CARMIL1: variants seen among roughly 807,000 people sequenced by gnomAD.
CARMIL1 encodes F-actin-uncapping protein LRRC16A.
In CARMIL1, 90 loss-of-function variants were observed where a neutral mutation model predicts 177.1. The observed-to-expected ratio is 0.51, with a 90% CI of 0.43 to 0.61. The LOEUF is 0.61. CARMIL1 is among the 20% of genes least tolerant of loss of function. The pLI is 0.00. For synonymous variants in CARMIL1, 577 were observed against 606.2 expected (o/e 0.95, Z 0.71); for missense variants, 1,380 against 1,667.0 (o/e 0.83, Z 3.00).
chr6:25,448,571 A>G (rs1315696402), intron 5 of CARMIL1, among the ~76,000 whole-genome samples: 1 of 152,042 alleles, frequency 6.6e-6, no homozygotes, highest in Non-Finnish European at 1.5e-5. Context: ...CCAACTCCCT[A>G]CGTCCCACCT....
At chr6:25,306,541 CT>C (rs1251601294) in intron 2 of CARMIL1, among the ~76,000 whole-genome samples, 10 of 152,142 alleles carry the variant, frequency 6.6e-5, no homozygotes, top group Non-Finnish European at 1.5e-4. Context: ...GAAACCAGTC[CT>C]TGGTGCCAAC....
intron 2 of CARMIL1, among the ~76,000 whole-genome samples, chr6:25,346,084 C>G (rs1366100360): frequency 6.6e-6 from 1 of 152,206 alleles, no homozygotes; most frequent in Non-Finnish European, 1.5e-5. Flanking sequence ...TCTAACTGGT[C>G]TTTCAGCTTC....
chr6:25,370,329 G>A (rs1192293473), intron 2 of CARMIL1, among the ~76,000 whole-genome samples: 1 of 152,110 alleles, frequency 6.6e-6, no homozygotes, highest in African/African-American at 2.4e-5. Context: ...GGGTAGGCGG[G>A]GGAAGGTGCT....
intron 17 of CARMIL1, among the ~76,000 whole-genome samples, chr6:25,507,273 C>A (rs1335669773): frequency 6.6e-6 from 1 of 152,132 alleles, no homozygotes; most frequent in Non-Finnish European, 1.5e-5. Context: ...ATTTAATAAT[C>A]TGTGACTTGA....
intron 4 of CARMIL1, among the ~76,000 whole-genome samples, chr6:25,427,132 T>C (rs1796343795): frequency 6.6e-6 from 1 of 152,212 alleles, no homozygotes; most frequent in Non-Finnish European, 1.5e-5. Flanking sequence ...GTATACTTCT[T>C]CCTGTCTGCC....
chr6:25,400,048 G>A (rs912040431), intron 2 of CARMIL1, among the ~76,000 whole-genome samples: 1 of 152,148 alleles, frequency 6.6e-6, no homozygotes, highest in East Asian at 1.9e-4. Flanking sequence ...TGGTCCAGGC[G>A]TGTCTGTCTT....
intron 21 of CARMIL1, 135 bp from the exon 22 acceptor site, chr6:25,517,212 G>T (rs1228216409): frequency 3.3e-6 from 2 of 609,172 alleles, no homozygotes; most frequent in East Asian, 2.8e-5. Context: ...AAATGAAGAT[G>T]AACATTATTC....
At chr6:25,485,465 G>C (rs979750881) in intron 12 of CARMIL1, among the ~76,000 whole-genome samples, 2 of 152,080 alleles carry the variant, frequency 1.3e-5, no homozygotes, top group Admixed American at 6.5e-5. Flanking sequence ...GCTCGGGCTG[G>C]AGTGCAGTTG....
chr6:25,496,206 G>A (rs907177740), intron 16 of CARMIL1, among the ~76,000 whole-genome samples: 5 of 152,056 alleles, frequency 3.3e-5, no homozygotes, highest in African/African-American at 1.2e-4. Context: ...GGCTGGGTGC[G>A]GTGGCTCACG....
At chr6:25,510,861 T>A in intron 20 of CARMIL1, 99 bp downstream of exon 20, 1 of 694,976 alleles carries the variant, frequency 1.4e-6, no homozygotes, top group South Asian at 2.1e-5. Context: ...TCAGATAGTT[T>A]TATCAACGTG....
intron 15 of CARMIL1, among the ~76,000 whole-genome samples, chr6:25,493,604 T>C (rs1248190222): frequency 6.6e-6 from 1 of 152,178 alleles, no homozygotes; most frequent in Non-Finnish European, 1.5e-5. Flanking sequence ...AAAGAGATCA[T>C]GGCGGTGCAC....
intron 2 of CARMIL1, among the ~76,000 whole-genome samples, chr6:25,369,378 TG>T (rs1394986859): frequency 3.0e-5 from 3 of 100,484 alleles, no homozygotes; most frequent in Admixed American, 1.0e-4. Flanking sequence ...TGCTGTATTT[TG>T]TTTTTTTTTT....
At chr6:25,438,988 TAA>T (rs1043719408) in intron 5 of CARMIL1, among the ~76,000 whole-genome samples, 7 of 151,978 alleles carry the variant, frequency 4.6e-5, no homozygotes, top group Admixed American at 1.3e-4. Flanking sequence ...CATTAGGTAT[TAA>T]GAGAGAGGGT....
intron 36 of CARMIL1, among the ~76,000 whole-genome samples, chr6:25,615,244 C>G (rs902804597): frequency 1.3e-5 from 2 of 152,120 alleles, no homozygotes; most frequent in Non-Finnish European, 2.9e-5. Flanking sequence ...ACTAAAACAG[C>G]CTTATTTTCC....
chr6:25,374,467 G>GT (rs2150451409), intron 2 of CARMIL1, among the ~76,000 whole-genome samples: 1 of 152,284 alleles, frequency 6.6e-6, no homozygotes, highest in East Asian at 1.9e-4. Context: ...TTGGAGAATG[G>GT]TCCATGTTCT....
At chr6:25,307,260 T>C (rs1783350258) in intron 2 of CARMIL1, among the ~76,000 whole-genome samples, 1 of 152,218 alleles carries the variant, frequency 6.6e-6, no homozygotes, top group Non-Finnish European at 1.5e-5. Flanking sequence ...TTTTGGAACT[T>C]TAAATTAGAA....
intron 2 of CARMIL1, among the ~76,000 whole-genome samples, chr6:25,353,866 G>A (rs1788330559): frequency 6.6e-6 from 1 of 152,160 alleles, no homozygotes; most frequent in Non-Finnish European, 1.5e-5. Context: ...TTTAGCTTCT[G>A]GAGGGATTAG....
intron 23 of CARMIL1, among the ~76,000 whole-genome samples, chr6:25,522,527 A>G (rs907570497): frequency 3.3e-5 from 5 of 152,202 alleles, no homozygotes; most frequent in African/African-American, 1.2e-4. Flanking sequence ...TGTATTCCAG[A>G]CATCCTTTTT....
At chr6:25,332,787 A>ACT (rs150427213) in intron 2 of CARMIL1, among the ~76,000 whole-genome samples, 1 of 146,692 alleles carries the variant, frequency 6.8e-6, no homozygotes, top group African/African-American at 2.5e-5. Flanking sequence ...ACACACACAC[A>ACT]CACACTTCTT....
Sources: gnomAD v4.1 joint callset for allele counts (sites outside exome capture counted in the v4.1 genomes callset) on GRCh38, gnomAD v4.1.1 for gene constraint, MANE v1.5 for transcripts, NCBI Gene and HGNC (gene_info 2026-07-23, HGNC 2026-07-21) for gene names.